The following FILIP1 variants were observed in gnomAD, a reference collection of about 807,000 sequenced individuals.
The protein encoded by FILIP1 is filamin A interacting protein 1, also known as filamin-A-interacting protein 1.
In FILIP1, 61 loss-of-function variants were observed where a neutral mutation model predicts 102.1. The ratio of observed to expected loss-of-function variants is 0.60; its 90% CI spans 0.49 to 0.74. FILIP1 has a LOEUF of 0.74. Among genes scored for constraint, FILIP1 ranks in the 30% least tolerant of loss-of-function variants. The pLI is 0.00. For synonymous variants in FILIP1, 491 were observed against 526.9 expected (o/e 0.93, Z 0.93); for missense variants, 1,314 against 1,441.2 (o/e 0.91, Z 1.43).
At position 75,311,669 on chromosome 6, in the gene FILIP1, G is replaced by T. The variant is rs369058547; in HGVS notation, c.3435+728C>A. Among the ~76,000 whole-genome samples, 15 of 151,944 alleles carry T rather than the reference G, an allele frequency of 9.9e-5. No homozygotes were observed. In the East Asian group the frequency reaches 2.7e-3, roughly 28 times the overall value. On this transcript the variant is annotated intron_variant, in intron 5 of 5. Transcript: ENST00000237172. ...CTGCCATCATGCTCAGCTAATTTTT[G>T]TATTTTTAGTACAGACAGGGTTTCA...
chr6:75,315,285 C>T, intron 4 of FILIP1, 83 bp from the exon 5 acceptor site: 1 of 876,638 alleles, frequency 1.1e-6, no homozygotes, highest in East Asian at 2.9e-5. Flanking sequence ...AAACAAAAAG[C>T]CACTACAATA....
intron 1 of FILIP1, among the ~76,000 whole-genome samples, chr6:75,433,063 A>C (rs1777883386): frequency 6.6e-6 from 1 of 152,168 alleles, no homozygotes; most frequent in East Asian, 1.9e-4. Context: ...ACATTTTCTT[A>C]ATCCAGTCTA....
At chr6:75,397,202 TAAAA>T (rs984794164) in intron 2 of FILIP1, among the ~76,000 whole-genome samples, 2 of 151,652 alleles carry the variant, frequency 1.3e-5, no homozygotes, top group Non-Finnish European at 2.9e-5. Context: ...AATAAATAAA[TAAAA>T]GACTTATTCA....
chr6:75,349,190 T>C (rs548896371), intron 4 of FILIP1, among the ~76,000 whole-genome samples: 1 of 152,340 alleles, frequency 6.6e-6, no homozygotes, highest in African/African-American at 2.4e-5. Context: ...TGAATCTGGA[T>C]GGCTTATCAA....
At chr6:75,468,338 A>G (rs979210369) in intron 1 of FILIP1, among the ~76,000 whole-genome samples, 4 of 152,250 alleles carry the variant, frequency 2.6e-5, no homozygotes, top group African/African-American at 9.6e-5. Context: ...TTTTCAAAAC[A>G]TGAAGAACTT....
rs1554196774 is a variant in FILIP1, at chr6:75,294,892, T to TA, written c.*1017dup. On this transcript the variant is annotated 3_prime_UTR_variant, in exon 7 of 7. Transcript: ENST00000393004. ...TTTTTTTTTTTTTTTTTTTTTTTTTTAAGACTCTCACTGTGTTGCCCAGGC... is the reference window on the plus strand; with the variant it reads ...TTTTTTTTTTTTTTTTTTTTTTTTTTAAAGACTCTCACTGTGTTGCCCAGGC... 9.4e-5 allele frequency: 13 copies of TA among 138,586 alleles called. 1 individual carries two copies. Among genetic ancestry groups the TA allele is most frequent in the African/African-American group, 3.4e-4 (12 of 35,282 alleles). 8.6% of individuals were successfully genotyped at this position (138,586 alleles called of 1,614,324 possible). A position where few individuals can be genotyped will look rare whatever the true frequency, so the allele number is the denominator to read the frequency against.
chr6:75,413,732 A>C (rs1457410004), intron 2 of FILIP1, among the ~76,000 whole-genome samples: 1 of 151,982 alleles, frequency 6.6e-6, no homozygotes, highest in Non-Finnish European at 1.5e-5. Flanking sequence ...TAAGAAACTA[A>C]TAAAAACAAA....
At chr6:75,433,198 T>C (rs1259565511) in intron 1 of FILIP1, among the ~76,000 whole-genome samples, 1 of 152,226 alleles carries the variant, frequency 6.6e-6, no homozygotes, top group African/African-American at 2.4e-5. Context: ...TACCCAGTAA[T>C]GGTATGGCTG....
At chr6:75,492,289 T>C (rs1170070738) in intron 1 of FILIP1, among the ~76,000 whole-genome samples, 1 of 152,204 alleles carries the variant, frequency 6.6e-6, no homozygotes, top group Admixed American at 6.6e-5. Flanking sequence ...GTTGATACAT[T>C]CTTATTTGTC....
chr6:75,473,408 A>T (rs553986986), intron 1 of FILIP1, among the ~76,000 whole-genome samples: 29 of 152,196 alleles, frequency 1.9e-4, no homozygotes, highest in Non-Finnish European at 4.1e-4. Flanking sequence ...TATCAATGTT[A>T]ACTTCCTAAC....
intron 1 of FILIP1, among the ~76,000 whole-genome samples, chr6:75,417,216 T>C (rs981088902): frequency 6.6e-6 from 1 of 152,200 alleles, no homozygotes; most frequent in African/African-American, 2.4e-5. Flanking sequence ...CAAATATTTT[T>C]CTTTTCTGAT....
At chr6:75,390,564 C>G (rs140401579) in intron 2 of FILIP1, among the ~76,000 whole-genome samples, 1 of 151,912 alleles carries the variant, frequency 6.6e-6, no homozygotes, top group Non-Finnish European at 1.5e-5. Flanking sequence ...GAGAGCAAGG[C>G]GAGAGGTACC....
In FILIP1 at chr6:75,308,162, G is replaced by C. The variant is rs1773048793; in HGVS notation, c.*529C>G. The C allele has an allele frequency of 1.0e-6, 1 of 986,096 alleles. No homozygotes were observed. Among genetic ancestry groups the C allele is most frequent in the African/African-American group, 1.7e-5 (1 of 57,150 alleles). 61.1% of individuals were successfully genotyped at this position (986,096 alleles called of 1,614,324 possible). On this transcript the variant is annotated 3_prime_UTR_variant, in exon 6 of 6. Coordinates refer to ENST00000237172, the MANE Select transcript of FILIP1 (RefSeq NM_015687.5). ...AATCATCTTAGAACCTTTTGTTTTT[G>C]CAAAATTTTAGAGGTCCAGGCCCTG...
intron 1 of FILIP1, among the ~76,000 whole-genome samples, chr6:75,463,825 A>G (rs956813537): frequency 6.6e-6 from 1 of 152,188 alleles, no homozygotes; most frequent in East Asian, 1.9e-4. Context: ...TTCCTTATCC[A>G]GAGATGTTTG....
intron 2 of FILIP1, chr6:75,399,295 G>C (rs1776571960): frequency 6.6e-6 from 1 of 152,172 alleles, no homozygotes; most frequent in African/African-American, 2.4e-5. Context: ...CCAAGTTTTT[G>C]TGAAGTTTAA....
chr6:75,335,765 A>G lies in FILIP1; in HGVS notation c.629+17774T>C, dbSNP rs113505028. Among the ~76,000 whole-genome samples the G allele has an allele frequency of 5.7e-3, 870 of 152,316 alleles. 14 individuals carry two copies. The highest frequency in any genetic ancestry group is 0.018 in the African/African-American group (756 of 41,566). ...TTGCAGAGCATTTTTAAGCCTTCAG[A>G]TATCTTTTATACTACATAAGTATAA... is the stretch of plus-strand genomic sequence containing the variant. On this transcript the variant is annotated intron_variant, in intron 4 of 5. Transcript: ENST00000237172.
At chr6:75,427,491 G>C (rs1374944936) in intron 1 of FILIP1, among the ~76,000 whole-genome samples, 2 of 152,104 alleles carry the variant, frequency 1.3e-5, no homozygotes. Context: ...TATGGGGCCT[G>C]GAGGCAGCCA....
chr6:75,394,519 A>G (rs1470942463), intron 2 of FILIP1, among the ~76,000 whole-genome samples: 1 of 152,168 alleles, frequency 6.6e-6, no homozygotes, highest in East Asian at 1.9e-4. Context: ...AGGAAAAAAT[A>G]TTTGATTCAC....
intron 1 of FILIP1, among the ~76,000 whole-genome samples, chr6:75,460,878 T>A (rs1423175851): frequency 6.6e-6 from 1 of 152,186 alleles, no homozygotes; most frequent in Non-Finnish European, 1.5e-5. Context: ...GATTTGCTTA[T>A]AAGAGAGATA....
Sources: allele counts gnomAD v4.1 joint callset (sites outside exome capture counted in the v4.1 genomes callset), GRCh38; gene constraint gnomAD v4.1.1; transcripts MANE v1.5; gene names NCBI Gene and HGNC (gene_info 2026-07-23, HGNC 2026-07-21).